The following PCDHGB4 variants were observed in gnomAD, a reference collection of about 807,000 sequenced individuals.
PCDHGB4 encodes the protein protocadherin gamma-B4.
Under a neutral mutation model 60.5 loss-of-function variants are expected in PCDHGB4, and 38 were observed. The observed-to-expected ratio is 0.63, with a 90% confidence interval of 0.48 to 0.82. PCDHGB4 has a LOEUF of 0.82. Among genes scored for constraint, PCDHGB4 ranks in the 40% least tolerant of loss-of-function variants. PCDHGB4 has a pLI of 0.00. For synonymous variants in PCDHGB4, 456 were observed against 509.7 expected, an observed-to-expected ratio of 0.89 and a Z score of 1.42; for missense variants, 1,109 against 1,209.6, an observed-to-expected ratio of 0.92 and a Z score of 1.23.
chr5:141,505,694 G>A, intron 3 of PCDHGB4, among the ~76,000 whole-genome samples: 1 of 152,208 alleles, frequency 6.6e-6, no homozygotes, highest in East Asian at 1.9e-4. Flanking sequence ...GCCTGGAGGA[G>A]AGCGAACAAG....
intron 1 of PCDHGB4, chr5:141,409,203 T>C: frequency 1.2e-6 from 2 of 1,613,964 alleles, no homozygotes; most frequent in Non-Finnish European, 1.7e-6. Flanking sequence ...TGTAAAGTAA[T>C]CATAGAAATC....
At position 141,486,230 on chromosome 5, in the gene PCDHGB4, A is replaced by G. The variant is rs1463946178; in HGVS notation, c.2398-8577A>G. ...TGACAATGCCCCTTACATCACAGTG[A>G]CCTCAGAGCTTGGAACCCTCCCCGA... On this transcript the variant is annotated intron_variant, in intron 1 of 3. Coordinates refer to ENST00000519479, the MANE Select transcript of PCDHGB4 (RefSeq NM_003736.4). This position sits in a 1 kb window ranked among gnomAD's most constrained non-coding sequence, Gnocchi z 5.0. 2 of 1,613,898 alleles carry G rather than the reference A, an allele frequency of 1.2e-6. No individual in the cohort carries two copies. The highest frequency in any genetic ancestry group is 2.2e-5 in the East Asian group (1 of 44,878).
intron 1 of PCDHGB4, among the ~76,000 whole-genome samples, chr5:141,463,809 T>G (rs964935762): frequency 1.3e-5 from 2 of 152,216 alleles, no homozygotes; most frequent in African/African-American, 4.8e-5. Context: ...TAAAAGCTTT[T>G]ATCACACATT....
intron 1 of PCDHGB4, chr5:141,392,356 G>A (rs970397239): frequency 6.6e-6 from 1 of 152,614 alleles, no homozygotes; most frequent in Admixed American, 6.5e-5. Flanking sequence ...TTAATCCGAT[G>A]CTACAATCTG....
intron 1 of PCDHGB4, among the ~76,000 whole-genome samples, chr5:141,465,545 C>T (rs2099105349): frequency 6.6e-6 from 1 of 152,146 alleles, no homozygotes; most frequent in South Asian, 2.1e-4. Context: ...GGCATTTTTT[C>T]TGCTGAAGCT....
chr5:141,430,521 A>G, intron 1 of PCDHGB4: 1 of 350,390 alleles, frequency 2.9e-6, no homozygotes, highest in Non-Finnish European at 5.1e-6. Context: ...TTGTGCAGTA[A>G]TTGGTTAGGA....
At chr5:141,405,370 G>C in intron 1 of PCDHGB4, 1 of 1,606,236 alleles carries the variant, frequency 6.2e-7, no homozygotes, top group Non-Finnish European at 8.5e-7. Flanking sequence ...ACACCCCTTT[G>C]GTTCCGGTGA....
intron 1 of PCDHGB4, chr5:141,415,762 T>TGTTTG: frequency 7.1e-7 from 1 of 1,399,990 alleles, no homozygotes; most frequent in Non-Finnish European, 9.3e-7. Flanking sequence ...TTTTTTTTTT[T>TGTTTG]TTTTTTTTTT....
At chr5:141,460,926 G>A (rs1180507724) in intron 1 of PCDHGB4, among the ~76,000 whole-genome samples, 4 of 145,540 alleles carry the variant, frequency 2.7e-5, no homozygotes, top group African/African-American at 2.6e-5. Flanking sequence ...ATATATATAT[G>A]TGTGTGTGTA....
At chr5:141,402,872 T>C in intron 1 of PCDHGB4, 1 of 1,455,372 alleles carries the variant, frequency 6.9e-7, no homozygotes, top group Non-Finnish European at 9.1e-7. Flanking sequence ...AAGATCACCA[T>C]ACTTTGCAGG....
chr5:141,395,819 T>A (rs2093315125), intron 1 of PCDHGB4: 1 of 152,210 alleles, frequency 6.6e-6, no homozygotes, highest in Admixed American at 6.5e-5. Context: ...ATGAACAAAC[T>A]TTAAAGATGG....
intron 1 of PCDHGB4, chr5:141,422,001 C>T (rs2096616874): frequency 6.2e-7 from 1 of 1,609,114 alleles, no homozygotes; most frequent in Non-Finnish European, 8.5e-7. Context: ...ACATCAGCTC[C>T]GGAACTCGGG....
chr5:141,405,612 C>T, intron 1 of PCDHGB4: 1 of 557,514 alleles, frequency 1.8e-6, no homozygotes, highest in Non-Finnish European at 3.2e-6. Flanking sequence ...ATAACTGGGA[C>T]TACAGGCACG....
chr5:141,489,339 C>T lies in PCDHGB4; in HGVS notation c.2398-5468C>T. 6.2e-7 allele frequency: 1 copy of T among 1,608,828 alleles called. No individual in the cohort carries two copies. On this transcript the variant is annotated intron_variant, in intron 1 of 3. Transcript: ENST00000519479. The surrounding 1 kb of genome is among the most constrained non-coding windows in gnomAD (Gnocchi z 4.5). ...GCTGGGTGTCTGGGCAGCTTCGTTA[C>T]TCAGTGGTGGAGGAGTCTGAGCCGG...
chr5:141,421,353 G>C, intron 1 of PCDHGB4: 1 of 1,613,998 alleles, frequency 6.2e-7, no homozygotes, highest in Non-Finnish European at 8.5e-7. Flanking sequence ...AGACCGAAAA[G>C]GGCTCCTTCG....
At chr5:141,462,062 A>T (rs957948334) in intron 1 of PCDHGB4, among the ~76,000 whole-genome samples, 3 of 152,168 alleles carry the variant, frequency 2.0e-5, no homozygotes, top group African/African-American at 2.4e-5. Context: ...ACCTCAGGTG[A>T]TCTGCCCGCC....
chr5:141,415,603 T>C, intron 1 of PCDHGB4: 6 of 1,613,954 alleles, frequency 3.7e-6, no homozygotes, highest in Non-Finnish European at 5.1e-6. Flanking sequence ...GGATACCCCA[T>C]TGGTTCCAGT....
At chr5:141,427,914 A>C in intron 1 of PCDHGB4, 1 of 1,576,800 alleles carries the variant, frequency 6.3e-7, no homozygotes, top group Non-Finnish European at 8.7e-7. Flanking sequence ...CAGCGCCAAC[A>C]TGAGCCGGCG....
chr5:141,478,851 C>T, intron 1 of PCDHGB4: 1 of 1,374,810 alleles, frequency 7.3e-7, no homozygotes, highest in Non-Finnish European at 9.6e-7. Context: ...AGCTAAAACA[C>T]AAGATCTCAG....
Sources: gnomAD v4.1 joint callset for allele counts (sites outside exome capture counted in the v4.1 genomes callset) on GRCh38, gnomAD v4.1.1 for gene constraint, Gnocchi (gnomAD v3.1) non-coding constraint, MANE v1.5 for transcripts, NCBI Gene and HGNC (gene_info 2026-07-23, HGNC 2026-07-21) for gene names.